The following SPATA17 variants were observed in gnomAD, a reference collection of about 807,000 sequenced individuals.
The protein encoded by SPATA17 is spermatogenesis-associated protein 17.
In SPATA17, 53 loss-of-function variants were observed where a neutral mutation model predicts 62.2. That is an observed-to-expected ratio of 0.85 (90% confidence interval 0.68 to 1.07). The LOEUF is 1.07. SPATA17 is among the 50% of genes least tolerant of loss of function. The probability of loss-of-function intolerance (pLI) is 0.00; values close to 1 mark genes in which losing one functional copy is unlikely to be tolerated. For missense variants in SPATA17, 466 were observed against 425.5 expected, an observed-to-expected ratio of 1.10 and a Z score of -0.84; for synonymous variants, 146 against 146.8, an observed-to-expected ratio of 0.99 and a Z score of 0.04.
intron 3 of SPATA17, among the ~76,000 whole-genome samples, chr1:217,657,398 C>T (rs529453852): frequency 3.9e-5 from 6 of 152,226 alleles, no homozygotes; most frequent in East Asian, 1.9e-4. Flanking sequence ...CATATTGCCT[C>T]GGAGCTTAGG....
intron 4 of SPATA17, among the ~76,000 whole-genome samples, chr1:217,678,365 C>T (rs1303148416): frequency 1.3e-5 from 2 of 151,816 alleles, no homozygotes; most frequent in African/African-American, 4.8e-5. Flanking sequence ...CCTGCCACCA[C>T]GCCCAGCTAA....
intron 1 of SPATA17, among the ~76,000 whole-genome samples, chr1:217,640,022 A>G (rs1022484379): frequency 6.6e-6 from 1 of 151,440 alleles, no homozygotes. Flanking sequence ...TGTTCTTGGA[A>G]CAGTCTTTCC....
chr1:217,819,417 C>G (rs1364087694), intron 9 of SPATA17, among the ~76,000 whole-genome samples: 1 of 151,694 alleles, frequency 6.6e-6, no homozygotes, highest in Admixed American at 6.6e-5. Context: ...AAAGGTGCAT[C>G]TTTCTCTCTC....
At chr1:217,825,190 A>T (rs1370678875) in intron 9 of SPATA17, among the ~76,000 whole-genome samples, 1 of 151,828 alleles carries the variant, frequency 6.6e-6, no homozygotes, top group Non-Finnish European at 1.5e-5. Flanking sequence ...CATTTAAAAA[A>T]TTCAGGATAG....
At chr1:217,678,322 C>T (rs1671002066) in intron 4 of SPATA17, among the ~76,000 whole-genome samples, 1 of 151,038 alleles carries the variant, frequency 6.6e-6, no homozygotes, top group Admixed American at 6.6e-5. Context: ...AACTGTCCTG[C>T]CTCAGCCTCC....
chr1:217,772,060 A>G (rs930990216), intron 6 of SPATA17, among the ~76,000 whole-genome samples: 1 of 152,174 alleles, frequency 6.6e-6, no homozygotes, highest in Non-Finnish European at 1.5e-5. Flanking sequence ...TATCATTTTT[A>G]TAGACTGTAG....
intron 6 of SPATA17, among the ~76,000 whole-genome samples, chr1:217,761,656 G>A (rs1673175681): frequency 6.6e-6 from 1 of 152,096 alleles, no homozygotes; most frequent in Non-Finnish European, 1.5e-5. Context: ...GGCGTTAATA[G>A]AGTTTAGAGA....
intron 8 of SPATA17, among the ~76,000 whole-genome samples, chr1:217,784,792 C>G (rs1673818573): frequency 6.6e-6 from 1 of 152,116 alleles, no homozygotes; most frequent in Non-Finnish European, 1.5e-5. Flanking sequence ...CCTGGAGAAC[C>G]AGAAGTTGAG....
chr1:217,762,962 C>T (rs1190563555), intron 6 of SPATA17, among the ~76,000 whole-genome samples: 1 of 151,948 alleles, frequency 6.6e-6, no homozygotes, highest in Admixed American at 6.6e-5. Context: ...TCAAAAAAAC[C>T]AAAAACAAAC....
At chr1:217,657,840 G>A (rs1221333118) in intron 3 of SPATA17, among the ~76,000 whole-genome samples, 1 of 152,138 alleles carries the variant, frequency 6.6e-6, no homozygotes, top group Admixed American at 6.5e-5. Flanking sequence ...CTGAGACTGG[G>A]TCATTTATAA....
At chr1:217,774,882 T>C (rs780943296) in intron 7 of SPATA17, among the ~76,000 whole-genome samples, 1 of 152,226 alleles carries the variant, frequency 6.6e-6, no homozygotes, top group Non-Finnish European at 1.5e-5. Context: ...TACCACATTT[T>C]GTTTATCCAT....
intron 1 of SPATA17, among the ~76,000 whole-genome samples, chr1:217,632,197 TAA>T (rs1669808937): frequency 1.3e-5 from 2 of 151,442 alleles, no homozygotes; most frequent in African/African-American, 4.9e-5. Flanking sequence ...AATAAATAAA[TAA>T]ATATAAATAA....
chr1:217,831,354 G>A (rs560048810), intron 9 of SPATA17, among the ~76,000 whole-genome samples: 6 of 152,032 alleles, frequency 3.9e-5, no homozygotes, highest in Admixed American at 1.3e-4. Context: ...TCCCAGAGAC[G>A]TTCACTCTTA....
intron 9 of SPATA17, 38 bp downstream of exon 9, chr1:217,801,888 TA>T (rs1482879508): frequency 6.4e-7 from 1 of 1,557,800 alleles, no homozygotes; most frequent in African/African-American, 1.4e-5. Context: ...TATTCCTTTT[TA>T]AAAGCTAGAA....
rs1316831139 is a variant in SPATA17 at position 217,856,554 on chromosome 1, T to C, written c.1006-6220T>C. On this transcript the variant is annotated intron_variant, in intron 9 of 10. Transcript: ENST00000366933. The stretch of plus-strand genomic sequence containing the variant: ...CAATATGCAAAGGAACTTCGTTTCC[T>C]GTTTAGATTCAGACTGATAATGCAT... 2.6e-5 allele frequency among the ~76,000 whole-genome samples: 4 copies of C among 152,356 alleles called. No individual in the cohort carries two copies. The East Asian group carries it at 7.7e-4, about 29-fold the overall frequency.
intron 5 of SPATA17, among the ~76,000 whole-genome samples, chr1:217,699,782 G>A (rs1278158607): frequency 6.6e-6 from 1 of 151,930 alleles, no homozygotes; most frequent in Non-Finnish European, 1.5e-5. Context: ...GGCTTTGTCT[G>A]TCCCTAGATC....
At chr1:217,708,185 A>G (rs1054716950) in intron 5 of SPATA17, among the ~76,000 whole-genome samples, 3 of 152,206 alleles carry the variant, frequency 2.0e-5, no homozygotes, top group African/African-American at 7.2e-5. Flanking sequence ...AGATAGCAGA[A>G]GACAAGAAAT....
chr1:217,817,530 A>T (rs983812686), intron 9 of SPATA17, among the ~76,000 whole-genome samples: 2 of 151,834 alleles, frequency 1.3e-5, no homozygotes, highest in Admixed American at 6.6e-5. Context: ...TTTATAATTT[A>T]CCTAGTCTCA....
intron 8 of SPATA17, among the ~76,000 whole-genome samples, chr1:217,793,289 C>T (rs868836243): frequency 1.4e-4 from 20 of 138,782 alleles, no homozygotes; most frequent in Admixed American, 9.8e-4. Context: ...GGCACGATCT[C>T]GGCTCACTGC....
Sources: allele counts gnomAD v4.1 joint callset (sites outside exome capture counted in the v4.1 genomes callset), GRCh38; gene constraint gnomAD v4.1.1; transcripts MANE v1.5; gene names NCBI Gene and HGNC (gene_info 2026-07-23, HGNC 2026-07-21).